Variants in AXDND1 observed in about 807,000 individuals in gnomAD.
The protein encoded by AXDND1 is axonemal dynein light chain domain containing 1, also known as axonemal dynein light chain domain-containing protein 1.
AXDND1 carries 110 observed loss-of-function variants against 137.5 expected under a neutral mutation model. That is an observed-to-expected ratio of 0.80 (90% confidence interval 0.69 to 0.94). The LOEUF (loss-of-function observed/expected upper bound fraction) is 0.94, where lower values mean the gene tolerates loss of function less well. AXDND1 is among the 40% of genes least tolerant of loss of function. The pLI is 0.00. For missense variants in AXDND1, 1,191 were observed against 1,169.8 expected, an observed-to-expected ratio of 1.02 and a Z score of -0.26; for synonymous variants, 414 against 399.7, an observed-to-expected ratio of 1.04 and a Z score of -0.43.
chr1:179,471,975 A>G (rs950271813), intron 17 of AXDND1, among the ~76,000 whole-genome samples: 7 of 151,032 alleles, frequency 4.6e-5, no homozygotes, highest in Non-Finnish European at 4.4e-5. Flanking sequence ...GCTCACTGCA[A>G]CCTCCGCCTC....
intron 9 of AXDND1, among the ~76,000 whole-genome samples, 166 bp downstream of exon 9, chr1:179,385,525 T>A (rs890165098): frequency 6.6e-6 from 1 of 152,238 alleles, no homozygotes; most frequent in Admixed American, 6.5e-5. Context: ...GGAAAGGGTC[T>A]ATAGCTTTCA....
intron 2 of AXDND1, 86 bp from the exon 3 acceptor site, chr1:179,368,714 G>C: frequency 1.9e-6 from 2 of 1,058,858 alleles, no homozygotes; most frequent in Non-Finnish European, 2.7e-6. Context: ...GTTAGAAACA[G>C]ATGGGATTGA....
At chr1:179,512,691 G>C (rs773372085) in intron 21 of AXDND1, among the ~76,000 whole-genome samples, 1 of 152,072 alleles carries the variant, frequency 6.6e-6, no homozygotes, top group Non-Finnish European at 1.5e-5. Flanking sequence ...CTACTCATCC[G>C]TGAGCTTGGG....
intron 25 of AXDND1, among the ~76,000 whole-genome samples, chr1:179,536,671 C>T (rs1377982791): frequency 1.3e-5 from 2 of 152,100 alleles, no homozygotes; most frequent in African/African-American, 2.4e-5. Context: ...GTTCTTTTTG[C>T]TTAGGCTTGT....
intron 25 of AXDND1, chr1:179,552,057 T>C (rs1673359831): frequency 5.9e-6 from 1 of 168,492 alleles, no homozygotes; most frequent in African/African-American, 2.4e-5. Flanking sequence ...CATTCTTCAC[T>C]TTCCTCTTCC....
intron 8 of AXDND1, 152 bp downstream of exon 8, chr1:179,383,696 T>C: frequency 1.7e-6 from 1 of 597,010 alleles, no homozygotes; most frequent in Non-Finnish European, 3.0e-6. Flanking sequence ...CATCTGAACT[T>C]TGGAGATAAT....
intron 25 of AXDND1, chr1:179,551,657 T>G: frequency 1.7e-6 from 1 of 597,578 alleles, no homozygotes; most frequent in Non-Finnish European, 3.0e-6. Context: ...GTGGAATGCG[T>G]TAGGAGCCAT....
chr1:179,462,089 A>T (rs1662409066), intron 16 of AXDND1, among the ~76,000 whole-genome samples: 2 of 152,294 alleles, frequency 1.3e-5, no homozygotes, highest in East Asian at 3.9e-4. Flanking sequence ...TATGTTGAAT[A>T]GGAGTGGTGA....
At chr1:179,541,666 A>G (rs12407916) in intron 25 of AXDND1, among the ~76,000 whole-genome samples, 72,081 of 147,358 alleles carry the variant, frequency 0.49, 17,695 homozygotes, top group East Asian at 0.57. Context: ...TATGCATGAT[A>G]ATATGCATAA....
rs767378035 is a variant in AXDND1 at position 179,468,423 on chromosome 1, T to C, written c.1799-20T>C. On this transcript the variant is annotated intron_variant, in intron 16 of 25. Coordinates refer to ENST00000367618, the MANE Select transcript of AXDND1 (RefSeq NM_144696.6). Reference sequence around the variant, plus strand: ...TCTTACAAATATTTCTAAAAGTTAATGCTTTTCTTACTTTTCTAGGTTACT... The same window carrying C: ...TCTTACAAATATTTCTAAAAGTTAACGCTTTTCTTACTTTTCTAGGTTACT... 1.5e-5 allele frequency: 23 copies of C among 1,517,372 alleles called. No individual in the cohort carries two copies. The highest frequency in any genetic ancestry group is 2.1e-5 in the Non-Finnish European group (23 of 1,106,590). 94.0% of individuals were successfully genotyped at this position (1,517,372 alleles called of 1,614,324 possible). A position where few individuals can be genotyped will look rare whatever the true frequency, so the allele number is the denominator to read the frequency against.
intron 4 of AXDND1, among the ~76,000 whole-genome samples, chr1:179,371,239 G>A (rs1350544853): frequency 3.3e-5 from 5 of 151,956 alleles, no homozygotes; most frequent in Non-Finnish European, 7.4e-5. Context: ...ACTAGTCTGG[G>A]CAACATGGTG....
At chr1:179,409,655 G>A (rs1183943406) in intron 11 of AXDND1, among the ~76,000 whole-genome samples, 2 of 152,132 alleles carry the variant, frequency 1.3e-5, no homozygotes, top group African/African-American at 4.8e-5. Context: ...GCTGAGGCGG[G>A]CGGATCACTT....
At chr1:179,391,871 T>C (rs1650260713) in intron 9 of AXDND1, among the ~76,000 whole-genome samples, 1 of 152,094 alleles carries the variant, frequency 6.6e-6, no homozygotes, top group South Asian at 2.1e-4. Context: ...GGCTTCTTCC[T>C]TTTCTGGGCT....
chr1:179,389,962 A>G (rs1649882496), intron 9 of AXDND1, among the ~76,000 whole-genome samples: 1 of 152,026 alleles, frequency 6.6e-6, no homozygotes, highest in South Asian at 2.1e-4. Context: ...CGACCAGTCA[A>G]CTCAGACATA....
chr1:179,427,190 C>G (rs566688457), intron 12 of AXDND1, among the ~76,000 whole-genome samples: 1 of 150,222 alleles, frequency 6.7e-6, no homozygotes, highest in East Asian at 1.9e-4. Context: ...CAAAAACAAA[C>G]AAAAAAAAAC....
intron 21 of AXDND1, among the ~76,000 whole-genome samples, chr1:179,515,678 T>G (rs1402463470): frequency 6.6e-6 from 1 of 152,198 alleles, no homozygotes; most frequent in Non-Finnish European, 1.5e-5. Flanking sequence ...TTCCAAACTT[T>G]TAGATTTCTT....
intron 8 of AXDND1, among the ~76,000 whole-genome samples, chr1:179,384,015 G>A (rs1012853086): frequency 2.0e-5 from 3 of 151,988 alleles, no homozygotes; most frequent in African/African-American, 4.8e-5. Context: ...ATGAACCACC[G>A]CACCAGGCCA....
At chr1:179,464,321 A>G (rs1344952426) in intron 16 of AXDND1, among the ~76,000 whole-genome samples, 1 of 152,046 alleles carries the variant, frequency 6.6e-6, no homozygotes, top group Non-Finnish European at 1.5e-5. Flanking sequence ...TGGTGATAAA[A>G]TCTCTCAGCA....
chr1:179,434,482 C>T (rs531680183), intron 15 of AXDND1, among the ~76,000 whole-genome samples: 3 of 152,298 alleles, frequency 2.0e-5, no homozygotes, highest in Admixed American at 1.3e-4. Context: ...AATCCAGCAG[C>T]ACATCAAAAA....
Sources: gnomAD v4.1 joint callset for allele counts (sites outside exome capture counted in the v4.1 genomes callset) on GRCh38, gnomAD v4.1.1 for gene constraint, MANE v1.5 for transcripts, NCBI Gene and HGNC (gene_info 2026-07-23, HGNC 2026-07-21) for gene names.